DLC1: variants seen among roughly 807,000 people sequenced by gnomAD.
DLC1 encodes DLC1 Rho GTPase activating protein.
Under a neutral mutation model 140.3 loss-of-function variants are expected in DLC1, and 54 were observed. The observed-to-expected ratio is 0.38, with a 90% CI of 0.31 to 0.48. The LOEUF (loss-of-function observed/expected upper bound fraction) is 0.48, where lower values mean the gene tolerates loss of function less well. Ranked by LOEUF, DLC1 falls within the 20% of genes least tolerant of loss-of-function variation. The pLI, the probability that DLC1 is intolerant of heterozygous loss-of-function variation, is 0.96. For synonymous variants in DLC1, 986 were observed against 728.1 expected, an observed-to-expected ratio of 1.35 and a Z score of -5.70; for missense variants, 2,536 against 1,907.0, an observed-to-expected ratio of 1.33 and a Z score of -6.14.
At chr8:13,598,822 A>G (rs985888999) in intron 1 of DLC1, among the ~76,000 whole-genome samples, 1 of 152,036 alleles carries the variant, frequency 6.6e-6, no homozygotes, top group African/African-American at 2.4e-5. Flanking sequence ...GCCTCATTCC[A>G]TGAATGAACT....
At chr8:13,576,420 C>T (rs1469246613) in intron 1 of DLC1, among the ~76,000 whole-genome samples, 1 of 152,080 alleles carries the variant, frequency 6.6e-6, no homozygotes, top group Non-Finnish European at 1.5e-5. Flanking sequence ...CAATTTGCAA[C>T]AGCATAAATA....
At chr8:13,277,617 A>T (rs966398411) in intron 5 of DLC1, among the ~76,000 whole-genome samples, 5 of 152,234 alleles carry the variant, frequency 3.3e-5, no homozygotes, top group Non-Finnish European at 7.3e-5. Context: ...CTTAGTTTCT[A>T]AAATGCCAAA....
intron 7 of DLC1, among the ~76,000 whole-genome samples, chr8:13,108,396 A>G (rs1819776971): frequency 6.6e-6 from 1 of 152,190 alleles, no homozygotes; most frequent in African/African-American, 2.4e-5. Context: ...AAGCCCAACT[A>G]GCATATGTGG....
chr8:13,457,245 T>C (rs1198574449), intron 2 of DLC1, among the ~76,000 whole-genome samples: 3 of 152,190 alleles, frequency 2.0e-5, no homozygotes, highest in African/African-American at 7.2e-5. Context: ...TAAAAGCCAC[T>C]GTCTATTTTG....
At chr8:13,096,385 G>A (rs1818501681) in intron 10 of DLC1, among the ~76,000 whole-genome samples, 1 of 152,090 alleles carries the variant, frequency 6.6e-6, no homozygotes, top group South Asian at 2.1e-4. Context: ...AGACTGCTTT[G>A]CCTTTTGAAT....
intron 4 of DLC1, among the ~76,000 whole-genome samples, chr8:13,330,860 T>G (rs1049989630): frequency 6.6e-6 from 1 of 152,272 alleles, no homozygotes; most frequent in Admixed American, 6.5e-5. Context: ...AGGCTCATTT[T>G]CATGAGCGTG....
chr8:13,304,397 CAGA>C (rs1332477257), intron 5 of DLC1, among the ~76,000 whole-genome samples: 1 of 152,078 alleles, frequency 6.6e-6, no homozygotes, highest in Non-Finnish European at 1.5e-5. Context: ...GTTTAGCTCA[CAGA>C]AGGACACAAA....
intron 3 of DLC1, among the ~76,000 whole-genome samples, chr8:13,396,447 T>C (rs1233872505): frequency 1.3e-5 from 2 of 152,134 alleles, no homozygotes; most frequent in African/African-American, 2.4e-5. Flanking sequence ...CAAGGTGAAA[T>C]AATAACTTTT....
At chr8:13,585,156 A>C (rs1386328224) in intron 1 of DLC1, among the ~76,000 whole-genome samples, 1 of 152,258 alleles carries the variant, frequency 6.6e-6, no homozygotes, top group Non-Finnish European at 1.5e-5. Context: ...TGGTCAATAT[A>C]GTAGCAAAAA....
At chr8:13,486,731 C>T (rs373039581) in intron 2 of DLC1, among the ~76,000 whole-genome samples, 1 of 21,482 alleles carries the variant, frequency 4.7e-5, no homozygotes, top group East Asian at 3.3e-4. Context: ...TGACACCTAG[C>T]ATGGTCCACT....
At position 13,567,974 on chromosome 8, in the gene DLC1, G is replaced by A. The variant is rs931099912; in HGVS notation, c.-126+36563C>T. ...TAATGTGGATAGATGTCTTTGTTGTGTATTTGAGTAATTACCATAATTTCT... is the reference window on the plus strand; with the variant it reads ...TAATGTGGATAGATGTCTTTGTTGTATATTTGAGTAATTACCATAATTTCT... On this transcript the variant is annotated intron_variant, in intron 1 of 1. Coordinates refer to the DLC1 transcript ENST00000631382. 9 of 1,497,376 alleles carry A rather than the reference G, an allele frequency of 6.0e-6. No individual in the cohort carries two copies. In the African/African-American group the frequency reaches 7.0e-5, roughly 12 times the overall value. 92.8% of individuals were successfully genotyped at this position (1,497,376 alleles called of 1,614,324 possible). A position where few individuals can be genotyped will look rare whatever the true frequency, so the allele number is the denominator to read the frequency against.
chr8:13,594,863 G>A lies in DLC1; in HGVS notation c.-126+9674C>T, dbSNP rs138668738. ...TATTTTATTTTTAATTTTATGCAAG[G>A]CATGTATAAGTTACAATTTATTTCA... On this transcript the variant is annotated intron_variant, in intron 1 of 1. Transcript: ENST00000631382. Among the ~76,000 whole-genome samples, 625 of 150,858 alleles carry A rather than the reference G, an allele frequency of 4.1e-3. 3 individuals are homozygous for A. Among genetic ancestry groups the A allele is most frequent in the African/African-American group, 0.014 (575 of 41,076 alleles).
chr8:13,420,789 C>T (rs1009957992), intron 2 of DLC1, among the ~76,000 whole-genome samples: 4 of 152,042 alleles, frequency 2.6e-5, no homozygotes, highest in African/African-American at 7.2e-5. Flanking sequence ...CCACATTTTC[C>T]TGACCATTTT....
At chr8:13,572,607 A>T (rs931962886) in intron 1 of DLC1, among the ~76,000 whole-genome samples, 1 of 152,198 alleles carries the variant, frequency 6.6e-6, no homozygotes, top group Non-Finnish European at 1.5e-5. Flanking sequence ...TAAGAGTTTT[A>T]TAGTCACACA....
chr8:13,368,123 T>C (rs570727775), intron 4 of DLC1, among the ~76,000 whole-genome samples: 1 of 152,208 alleles, frequency 6.6e-6, no homozygotes, highest in South Asian at 2.1e-4. Flanking sequence ...ATATGTAAAG[T>C]GGAAAAGAAA....
At chr8:13,279,869 T>G (rs1831305665) in intron 5 of DLC1, among the ~76,000 whole-genome samples, 1 of 152,214 alleles carries the variant, frequency 6.6e-6, no homozygotes, top group Non-Finnish European at 1.5e-5. Context: ...CCCAGTTTTC[T>G]ATGACTCTGA....
chr8:13,132,451 G>T (rs966067857), intron 5 of DLC1, among the ~76,000 whole-genome samples: 1 of 152,046 alleles, frequency 6.6e-6, no homozygotes, highest in South Asian at 2.1e-4. Flanking sequence ...ATTTCCAAGC[G>T]CCACTAGGGT....
chr8:13,362,992 G>A (rs987560218), intron 4 of DLC1, among the ~76,000 whole-genome samples: 10 of 152,116 alleles, frequency 6.6e-5, no homozygotes, highest in Admixed American at 1.3e-4. Flanking sequence ...ATCACAATGC[G>A]TGCATTCATT....
At chr8:13,378,809 C>A (rs1836115231) in intron 4 of DLC1, among the ~76,000 whole-genome samples, 1 of 152,034 alleles carries the variant, frequency 6.6e-6, no homozygotes. Context: ...AGTTCATGTC[C>A]TAGTAATGTC....
Sources: allele counts gnomAD v4.1 joint callset (sites outside exome capture counted in the v4.1 genomes callset), GRCh38; gene constraint gnomAD v4.1.1; transcripts MANE v1.5; gene names NCBI Gene and HGNC (gene_info 2026-07-23, HGNC 2026-07-21).